The following NIN variants were observed in gnomAD, a reference collection of about 807,000 sequenced individuals.
The protein encoded by NIN is glycogen synthase kinase 3 beta-interacting protein.
In NIN, 137 loss-of-function variants were observed where a neutral mutation model predicts 257.6. The observed-to-expected ratio is 0.53, with a 90% confidence interval of 0.46 to 0.61. NIN has a LOEUF of 0.61. NIN is among the 20% of genes least tolerant of loss of function. NIN has a pLI of 0.00. For synonymous variants in NIN, 918 were observed against 919.8 expected (o/e 1.00, Z 0.04); for missense variants, 2,439 against 2,501.2 (o/e 0.98, Z 0.53).
chr14:50,793,837 CTA>C (rs148402225), intron 4 of NIN, among the ~76,000 whole-genome samples: 2,329 of 152,282 alleles, frequency 0.015, 57 homozygotes, highest in African/African-American at 0.054. Context: ...GTTATCTCAG[CTA>C]TAGATTTTTT....
Position 50,720,507 on chromosome 14 carries a change from C to T in NIN, c.*2956G>A. On this transcript the variant is annotated 3_prime_UTR_variant, in exon 31 of 31. Coordinates refer to ENST00000530997, the MANE Select transcript of NIN (RefSeq NM_020921.4). ...AATAGTGCATTATTAAAATACTAGACCTGCAAGATCTCTTCCTATGCCTTG... is the reference window on the plus strand; with the variant it reads ...AATAGTGCATTATTAAAATACTAGATCTGCAAGATCTCTTCCTATGCCTTG... 1 of 209,568 alleles carries T rather than the reference C, an allele frequency of 4.8e-6. No homozygotes were observed. Among genetic ancestry groups the T allele is most frequent in the Non-Finnish European group, 9.7e-6 (1 of 102,754 alleles). The allele number at this position is 209,568 out of a possible 1,614,324, so 13.0% of individuals were successfully genotyped here.
chr14:50,819,286 T>C (rs146638627), intron 3 of NIN, among the ~76,000 whole-genome samples: 1 of 152,162 alleles, frequency 6.6e-6, no homozygotes, highest in African/African-American at 2.4e-5. Flanking sequence ...GACCCTGATA[T>C]GGTTTGGCTG....
chr14:50,750,789 G>C (rs974344825), intron 21 of NIN, among the ~76,000 whole-genome samples: 4 of 152,182 alleles, frequency 2.6e-5, no homozygotes, highest in African/African-American at 9.7e-5. Flanking sequence ...TGAAGAGTAT[G>C]TGAAACGTTA....
In NIN at chr14:50,757,418, C is replaced by A; in HGVS notation, c.3612G>T (p.Gln1204His). ...WELKNQISQL[Q>H]EQLMMLCADC... ...CCGCACATAACATCATTAGCTGTTCCTGAAGCTGACTAATCTGATTCTTCA... is the reference window on the plus strand; with the variant it reads ...CCGCACATAACATCATTAGCTGTTCATGAAGCTGACTAATCTGATTCTTCA... Residue 1204 changes from glutamine (Q) to histidine (H), a missense_variant, in exon 18 of 31, where the codon CAG becomes CAT. Around this residue, in one of 3 missense-constraint regions of NIN, gnomAD observed 2,043 missense variants for 2,050.2 expected, o/e 1.00. Transcript: ENST00000530997. 6.2e-7 allele frequency: 1 copy of A among 1,614,166 alleles called. No individual in the cohort carries two copies. The highest frequency in any genetic ancestry group is 1.1e-5 in the South Asian group (1 of 91,070).
At chr14:50,742,122 T>A (rs1470699076) in intron 24 of NIN, 1 of 157,690 alleles carries the variant, frequency 6.3e-6, no homozygotes, top group Admixed American at 6.3e-5. Flanking sequence ...ACTTGTAGAA[T>A]CCTATTCTAG....
At chr14:50,787,822 G>A (rs893258484) in intron 5 of NIN, among the ~76,000 whole-genome samples, 1 of 151,890 alleles carries the variant, frequency 6.6e-6, no homozygotes, top group Non-Finnish European at 1.5e-5. Context: ...TTTTGGTGCT[G>A]AAAATTTAGC....
Position 50,801,202 on chromosome 14 carries a change from T to C in NIN, c.265+5535A>G, listed in dbSNP as rs2044088166. ...GCCTTCCAGGTTCAAGCGATTCTCCTGCCTCAGCCTCCCGAGTAGCTGGGA... is the reference window on the plus strand; with the variant it reads ...GCCTTCCAGGTTCAAGCGATTCTCCCGCCTCAGCCTCCCGAGTAGCTGGGA... On this transcript the variant is annotated intron_variant, in intron 4 of 30. Coordinates refer to ENST00000530997, the MANE Select transcript of NIN (RefSeq NM_020921.4). Among the ~76,000 whole-genome samples the C allele has an allele frequency of 2.0e-5, 3 of 150,030 alleles. No individual in the cohort carries two copies. The South Asian group carries it at 6.5e-4, about 32-fold the overall frequency.
intron 14 of NIN, among the ~76,000 whole-genome samples, chr14:50,765,245 T>A (rs998622693): frequency 6.6e-6 from 1 of 151,772 alleles, no homozygotes; most frequent in Non-Finnish European, 1.5e-5. Flanking sequence ...TTAAAAAAAG[T>A]AAGAAAGAAA....
chr14:50,797,860 GA>G (rs1391808618), intron 4 of NIN, among the ~76,000 whole-genome samples: 1 of 151,986 alleles, frequency 6.6e-6, no homozygotes, highest in African/African-American at 2.4e-5. Flanking sequence ...GAGGCCTATG[GA>G]GGGGTGGGGA....
At position 50,720,610 on chromosome 14, in the gene NIN, G is replaced by GA; in HGVS notation, c.*2852dup. Reference sequence around the variant, plus strand: ...TGCAATGCATTGAAATTTCTGGGAAGAATTCACATTTAAAACAGTTTAAAA... The same window carrying GA: ...TGCAATGCATTGAAATTTCTGGGAAGAAATTCACATTTAAAACAGTTTAAAA... On this transcript the variant is annotated 3_prime_UTR_variant, in exon 31 of 31. Transcript: ENST00000530997. 1 of 206,820 alleles carries GA rather than the reference G, an allele frequency of 4.8e-6. No individual in the cohort carries two copies. The highest frequency in any genetic ancestry group is 2.3e-5 in the African/African-American group (1 of 44,030). 12.8% of individuals were successfully genotyped at this position (206,820 alleles called of 1,614,324 possible).
intron 5 of NIN, among the ~76,000 whole-genome samples, chr14:50,783,538 TAGG>T (rs2043219449): frequency 6.6e-6 from 1 of 151,744 alleles, no homozygotes; most frequent in South Asian, 2.1e-4. Flanking sequence ...ACCACACAGA[TAGG>T]AGGTATTCTG....
At chr14:50,769,383 G>T (rs866626538) in intron 12 of NIN, among the ~76,000 whole-genome samples, 1 of 152,202 alleles carries the variant, frequency 6.6e-6, no homozygotes, top group African/African-American at 2.4e-5. Flanking sequence ...CTGAGACACA[G>T]GAAAGAGGGG....
intron 3 of NIN, 58 bp downstream of exon 3, chr14:50,821,816 G>T: frequency 1.4e-6 from 2 of 1,417,800 alleles, no homozygotes; most frequent in Non-Finnish European, 2.0e-6. Flanking sequence ...CCCACCCCCA[G>T]CACCCCGGCA....
At chr14:50,742,729 G>A (rs1218032729) in intron 24 of NIN, among the ~76,000 whole-genome samples, 2 of 151,942 alleles carry the variant, frequency 1.3e-5, no homozygotes, top group African/African-American at 2.4e-5. Context: ...CCTATTTTAC[G>A]CTAATACCGC....
intron 12 of NIN, among the ~76,000 whole-genome samples, chr14:50,767,641 C>A (rs945019225): frequency 2.0e-5 from 3 of 151,934 alleles, no homozygotes; most frequent in Non-Finnish European, 4.4e-5. Flanking sequence ...CACGGTGAAA[C>A]CCCGTCTCTA....
intron 14 of NIN, among the ~76,000 whole-genome samples, chr14:50,765,240 A>C (rs1409880917): frequency 1.3e-5 from 2 of 152,186 alleles, no homozygotes; most frequent in Non-Finnish European, 2.9e-5. Flanking sequence ...CCGTCTTAAA[A>C]AAAGTAAGAA....
chr14:50,815,370 CAATA>C (rs1196472935), intron 3 of NIN, among the ~76,000 whole-genome samples: 1 of 152,140 alleles, frequency 6.6e-6, no homozygotes, highest in Non-Finnish European at 1.5e-5. Flanking sequence ...GAATGGCAAT[CAATA>C]AATAGTCCAG....
At chr14:50,825,038 G>A (rs760400265) in intron 2 of NIN, among the ~76,000 whole-genome samples, 14 of 152,356 alleles carry the variant, frequency 9.2e-5, no homozygotes, top group Non-Finnish European at 1.6e-4. Context: ...CCTTTCTCAA[G>A]TCCCCTCGAT....
At chr14:50,740,674 G>T (rs774368097) in intron 25 of NIN, among the ~76,000 whole-genome samples, 1 of 151,996 alleles carries the variant, frequency 6.6e-6, no homozygotes, top group Admixed American at 6.6e-5. Context: ...TAGAGACAGG[G>T]TTTCGCCATG....
Sources: gnomAD v4.1 joint callset for allele counts (sites outside exome capture counted in the v4.1 genomes callset) on GRCh38, gnomAD v4.1.1 for gene constraint, gnomAD v4.1.1 regional missense constraint, MANE v1.5 for transcripts, NCBI Gene and HGNC (gene_info 2026-07-23, HGNC 2026-07-21) for gene names.